The following RABGEF1 variants were observed in gnomAD, a reference collection of about 807,000 sequenced individuals.
The protein encoded by RABGEF1 is rab5 GDP/GTP exchange factor.
RABGEF1 carries 26 observed loss-of-function variants against 57.3 expected under a neutral mutation model. The observed-to-expected ratio is 0.45, with a 90% CI of 0.33 to 0.63. The LOEUF (loss-of-function observed/expected upper bound fraction) is 0.63, where lower values mean the gene tolerates loss of function less well. RABGEF1 is among the 20% of genes least tolerant of loss of function. RABGEF1 has a pLI of 0.02. For missense variants in RABGEF1, 464 were observed against 607.6 expected, an observed-to-expected ratio of 0.76 and a Z score of 2.48; for synonymous variants, 185 against 210.7, an observed-to-expected ratio of 0.88 and a Z score of 1.06.
At chr7:66,669,055 G>T in the RABGEF1 span, 1 of 152,254 alleles carries the variant, frequency 6.6e-6, no homozygotes, top group Admixed American at 6.5e-5. Context: ...CAGCAACCCG[G>T]GAGGGCATGA....
Position 66,726,164 on chromosome 7 carries a change from G to A in RABGEF1, c.-814-13832G>A, listed in dbSNP as rs997656708. Among the ~76,000 whole-genome samples, 6 of 152,184 alleles carry A rather than the reference G, an allele frequency of 3.9e-5. 1 individual carries two copies. The highest frequency in any genetic ancestry group is 1.4e-4 in the African/African-American group (6 of 41,448). On this transcript the variant is annotated intron_variant and NMD_transcript_variant, in intron 2 of 9. Transcript: ENST00000607882. ...TCCCAAAGCACCCAGCCTGGGCTTT[G>A]CCCACAGCTGGGACCCAGAGCCATC...
chr7:66,709,119 G>A (rs1001125238), intron 1 of RABGEF1, among the ~76,000 whole-genome samples: 19 of 151,706 alleles, frequency 1.3e-4, no homozygotes, highest in African/African-American at 4.6e-4. Context: ...CTGGGTTCAA[G>A]CAATTCTCCT....
chr7:66,743,327 T>TAAA (rs375657884), intron 1 of RABGEF1, among the ~76,000 whole-genome samples: 18 of 136,688 alleles, frequency 1.3e-4, no homozygotes, highest in South Asian at 4.7e-4. Context: ...AGAAAAAAAT[T>TAAA]TAAAAAAAAA....
upstream of RABGEF1, among the ~76,000 whole-genome samples, chr7:66,677,761 CAAA>C (rs35401177): frequency 1.8e-4 from 12 of 67,474 alleles, no homozygotes; most frequent in Admixed American, 1.5e-4. Flanking sequence ...GACTCCGTCT[CAAA>C]AAAAAAAAAA....
intron 2 of RABGEF1, among the ~76,000 whole-genome samples, chr7:66,717,654 G>A (rs143148045): frequency 1.0e-3 from 154 of 152,226 alleles, no homozygotes; most frequent in African/African-American, 3.5e-3. Flanking sequence ...GACCTCCCCA[G>A]GCTCAGGAGA....
chr7:66,749,523 C>T (rs960957261), intron 1 of RABGEF1, among the ~76,000 whole-genome samples: 1 of 152,140 alleles, frequency 6.6e-6, no homozygotes, highest in Non-Finnish European at 1.5e-5. Context: ...CAGAACTTTG[C>T]GAGGTGTTGT....
At chr7:66,751,972 G>C (rs1801526601) in intron 1 of RABGEF1, among the ~76,000 whole-genome samples, 1 of 151,684 alleles carries the variant, frequency 6.6e-6, no homozygotes, top group Non-Finnish European at 1.5e-5. Flanking sequence ...CAAGGTGGGA[G>C]GCTCACTTGA....
At chr7:66,671,679 A>C in the RABGEF1 span, among the ~76,000 whole-genome samples, 1 of 152,194 alleles carries the variant, frequency 6.6e-6, no homozygotes, top group Non-Finnish European at 1.5e-5. Flanking sequence ...AATAGCAGCC[A>C]GGCGTGGTGG....
chr7:66,710,147 C>T (rs1426312641), intron 1 of RABGEF1, among the ~76,000 whole-genome samples: 1 of 152,154 alleles, frequency 6.6e-6, no homozygotes, highest in African/African-American at 2.4e-5. Context: ...TTACTATATA[C>T]TCTTTTTGGC....
At chr7:66,770,903 G>A (rs533242967) in intron 1 of RABGEF1, among the ~76,000 whole-genome samples, 12 of 152,296 alleles carry the variant, frequency 7.9e-5, no homozygotes, top group Admixed American at 5.9e-4. Flanking sequence ...TTTGTTGGCT[G>A]TTGGTATGTC....
the RABGEF1 span, among the ~76,000 whole-genome samples, chr7:66,674,023 A>G: frequency 6.6e-6 from 1 of 152,228 alleles, no homozygotes; most frequent in Non-Finnish European, 1.5e-5. Flanking sequence ...CTGCATAGCT[A>G]CAGAATAATA....
the RABGEF1 span, among the ~76,000 whole-genome samples, chr7:66,662,492 C>A: frequency 1.3e-5 from 2 of 152,174 alleles, no homozygotes. Flanking sequence ...CTGTCCCATG[C>A]CAGCTGAGGG....
intron 1 of RABGEF1, among the ~76,000 whole-genome samples, chr7:66,694,252 G>A (rs1043183226): frequency 1.3e-5 from 2 of 152,264 alleles, no homozygotes; most frequent in Non-Finnish European, 2.9e-5. Context: ...TAAGTAAAGG[G>A]TGCCACGGGA....
chr7:66,775,632 G>T (rs1338944008), intron 3 of RABGEF1, among the ~76,000 whole-genome samples: 2 of 152,146 alleles, frequency 1.3e-5, no homozygotes, highest in East Asian at 1.9e-4. Flanking sequence ...ATTGAAATAG[G>T]TACTTTTGCT....
intron 3 of RABGEF1, among the ~76,000 whole-genome samples, chr7:66,781,629 T>C (rs1809926372): frequency 6.6e-6 from 1 of 152,238 alleles, no homozygotes; most frequent in African/African-American, 2.4e-5. Flanking sequence ...TGGTGGTTTT[T>C]CTCTCATCTT....
At chr7:66,737,645 C>G (rs1798161145), upstream of RABGEF1, among the ~76,000 whole-genome samples, 1 of 152,068 alleles carries the variant, frequency 6.6e-6, no homozygotes, top group Non-Finnish European at 1.5e-5. Context: ...TTTAAAAAAC[C>G]TCTGTTGTTC....
chr7:66,713,052 C>T (rs997820706), intron 2 of RABGEF1, among the ~76,000 whole-genome samples: 7 of 151,076 alleles, frequency 4.6e-5, no homozygotes, highest in African/African-American at 1.2e-4. Flanking sequence ...TGGGCTCAAG[C>T]GATCCTCCTG....
intron 1 of RABGEF1, among the ~76,000 whole-genome samples, chr7:66,747,858 A>G (rs1800599561): frequency 6.6e-6 from 1 of 152,166 alleles, no homozygotes. Flanking sequence ...ATCTTGTTCC[A>G]GAAAGGGTTT....
chr7:66,710,764 T>C (rs1794668277), intron 1 of RABGEF1, among the ~76,000 whole-genome samples: 1 of 152,224 alleles, frequency 6.6e-6, no homozygotes, highest in South Asian at 2.1e-4. Flanking sequence ...ATTCTTTATA[T>C]ATTAGATACA....
Sources: allele counts gnomAD v4.1 joint callset (sites outside exome capture counted in the v4.1 genomes callset), GRCh38; gene constraint gnomAD v4.1.1; transcripts MANE v1.5; gene names NCBI Gene and HGNC (gene_info 2026-07-23, HGNC 2026-07-21).